The following ATP2B2 variants were observed in gnomAD, a reference collection of about 807,000 sequenced individuals.
The protein encoded by ATP2B2 is ATPase plasma membrane Ca2+ transporting 2, also known as plasma membrane calcium-transporting ATPase 2.
Under a neutral mutation model 120.0 loss-of-function variants are expected in ATP2B2, and 15 were observed. That is an observed-to-expected ratio of 0.12 (90% CI 0.08 to 0.19). ATP2B2 has a LOEUF of 0.19. Among genes scored for constraint, ATP2B2 ranks in the 10% least tolerant of loss-of-function variants. The pLI, the probability that ATP2B2 is intolerant of heterozygous loss-of-function variation, is 1.00. For missense variants in ATP2B2, 1,045 were observed against 1,719.8 expected (o/e 0.61, Z 6.94); for synonymous variants, 694 against 700.3 (o/e 0.99, Z 0.14).
At chr3:10,382,806 G>C (rs1158221745) in intron 8 of ATP2B2, among the ~76,000 whole-genome samples, 1 of 151,990 alleles carries the variant, frequency 6.6e-6, no homozygotes. Flanking sequence ...TTTTCAGTTG[G>C]GGGCTTGGGG....
chr3:10,685,592 G>T (rs1317612189), intron 1 of ATP2B2, among the ~76,000 whole-genome samples: 3 of 152,182 alleles, frequency 2.0e-5, no homozygotes, highest in Non-Finnish European at 4.4e-5. Context: ...AGAAGAAGAG[G>T]GGGCTTCTAT....
intron 5 of ATP2B2, among the ~76,000 whole-genome samples, chr3:10,397,176 C>T (rs1349740296): frequency 6.6e-6 from 1 of 152,212 alleles, no homozygotes; most frequent in East Asian, 1.9e-4. Context: ...GAGGACAGAG[C>T]CTAAGGTCTG....
chr3:10,428,791 C>A (rs143892248), intron 2 of ATP2B2, among the ~76,000 whole-genome samples: 3 of 152,288 alleles, frequency 2.0e-5, no homozygotes, highest in African/African-American at 7.2e-5. Context: ...GCTGAGCAAC[C>A]CAGGGCAGTG....
intron 2 of ATP2B2, among the ~76,000 whole-genome samples, chr3:10,536,468 T>TTCC (rs35500742): frequency 0.051 from 7,664 of 151,468 alleles, 358 homozygotes; most frequent in East Asian, 0.26. Context: ...TCCTTCCTCC[T>TTCC]TCCTCCTCCT....
chr3:10,345,922 T>C (rs1189497706), intron 17 of ATP2B2, 109 bp downstream of exon 17: 2 of 1,138,786 alleles, frequency 1.8e-6, no homozygotes, highest in Non-Finnish European at 2.5e-6. Context: ...CCACGGCAGA[T>C]GGCGGGTGGG....
chr3:10,396,887 G>A (rs2062055560), intron 5 of ATP2B2, among the ~76,000 whole-genome samples: 1 of 152,282 alleles, frequency 6.6e-6, no homozygotes, highest in East Asian at 1.9e-4. Context: ...TGGCTAAGGA[G>A]TAGAGTTGGG....
chr3:10,409,153 G>C (rs530840751), intron 3 of ATP2B2, among the ~76,000 whole-genome samples: 1 of 152,128 alleles, frequency 6.6e-6, no homozygotes, highest in East Asian at 1.9e-4. Context: ...TTTGTTCAAG[G>C]CTTATTCAAG....
rs528181627 is a variant in ATP2B2 at position 10,343,522 on chromosome 3, G to A, written c.2704-557C>T. On this transcript the variant is annotated intron_variant, in intron 18 of 22. Coordinates refer to ENST00000360273, the MANE Select transcript of ATP2B2 (RefSeq NM_001001331.4). The surrounding 1 kb of genome is among the most constrained non-coding windows in gnomAD (Gnocchi z 4.2). Reference sequence around the variant, plus strand: ...ATATGGCAAATGAGGAATAGCAAAAGCAACTAAAACTGTCAAGGACCTCAC... The same window carrying A: ...ATATGGCAAATGAGGAATAGCAAAAACAACTAAAACTGTCAAGGACCTCAC... 0.027 allele frequency among the ~76,000 whole-genome samples: 42 copies of A among 1,572 alleles called. No homozygotes were observed. Among genetic ancestry groups the A allele is most frequent in the East Asian group, 0.23 (27 of 120 alleles). The allele number at this position is 1,572 out of a possible 152,430, so 1.0% of individuals were successfully genotyped here.
chr3:10,510,131 A>G (rs530045542), upstream of ATP2B2, among the ~76,000 whole-genome samples: 99 of 152,192 alleles, frequency 6.5e-4, 2 homozygotes, highest in African/African-American at 2.2e-3. Flanking sequence ...TCTCTAGTCT[A>G]TTGAGATTTG....
At chr3:10,378,101 A>C in intron 10 of ATP2B2, 151 bp downstream of exon 10, 3 of 1,085,158 alleles carry the variant, frequency 2.8e-6, no homozygotes, top group Non-Finnish European at 3.9e-6. Flanking sequence ...CAGGACTCAG[A>C]CTGGGTGCTG....
At chr3:10,506,430 TC>T (rs201465614), upstream of ATP2B2, among the ~76,000 whole-genome samples, 2,281 of 152,230 alleles carry the variant, frequency 0.015, 35 homozygotes, top group Admixed American at 0.034. Context: ...GACTGACACT[TC>T]CACGGGAACC....
In ATP2B2 at chr3:10,617,704, C is replaced by A. The variant is rs1301476810; in HGVS notation, c.-415+2213G>T. On this transcript the variant is annotated intron_variant, in intron 2 of 21. Transcript: ENST00000646379. The stretch of plus-strand genomic sequence containing the variant: ...GGGTCTGAGAGTGCTGGTCTTCACA[C>A]AGGGACGAGCTGCTGAGCAGGGCAG... Among the ~76,000 whole-genome samples the A allele has an allele frequency of 2.6e-5, 4 of 152,372 alleles. No homozygotes were observed. In the South Asian group the frequency reaches 8.3e-4, roughly 32 times the overall value.
In ATP2B2 at chr3:10,326,098, C is replaced by CA. The variant is rs35126324; in HGVS notation, c.*2715dup. The CA allele has an allele frequency of 1, 152,723 of 152,724 alleles. 76,361 individuals carry two copies. Among genetic ancestry groups the CA allele is most frequent in the Non-Finnish European group, 1 (68,038 of 68,038 alleles). 9.5% of individuals were successfully genotyped at this position (152,724 alleles called of 1,614,324 possible). A position where few individuals can be genotyped will look rare whatever the true frequency, so the allele number is the denominator to read the frequency against. ...ACAGAGATGGTGAGTTCTTTATTTA[C>CA]ATTATTGTCTAGATAAAAAAATTCA... On this transcript the variant is annotated 3_prime_UTR_variant, in exon 23 of 23. Transcript: ENST00000360273.
At chr3:10,645,431 GA>G (rs2070297435) in intron 1 of ATP2B2, among the ~76,000 whole-genome samples, 1 of 152,114 alleles carries the variant, frequency 6.6e-6, no homozygotes, top group Non-Finnish European at 1.5e-5. Flanking sequence ...TTGTTCTTAG[GA>G]AGTGTATACT....
At chr3:10,527,195 C>T (rs1047236246) in intron 3 of ATP2B2, among the ~76,000 whole-genome samples, 1 of 152,178 alleles carries the variant, frequency 6.6e-6, no homozygotes, top group East Asian at 1.9e-4. Flanking sequence ...CCTCTGAGGG[C>T]GGCTCCCATG....
chr3:10,366,776 AGCCAGAGCT>A (rs2061072352), intron 12 of ATP2B2, among the ~76,000 whole-genome samples: 2 of 152,234 alleles, frequency 1.3e-5, no homozygotes, highest in Non-Finnish European at 2.9e-5. Flanking sequence ...GCAGCAGGAC[AGCCAGAGCT>A]GCTAGTGGAA....
chr3:10,629,012 T>C (rs1331080550), intron 1 of ATP2B2, among the ~76,000 whole-genome samples: 1 of 152,180 alleles, frequency 6.6e-6, no homozygotes, highest in Non-Finnish European at 1.5e-5. Context: ...AACGGCACCA[T>C]AACTCACGCC....
rs763370632 is a variant in ATP2B2 at position 10,329,017 on chromosome 3, C to T, written c.3529G>A (p.Asp1177Asn). 3.7e-6 allele frequency: 6 copies of T among 1,613,874 alleles called. No homozygotes were observed. The highest frequency in any genetic ancestry group is 1.3e-5 in the African/African-American group (1 of 74,858). Residue 1177 changes from aspartate (D) to asparagine (N), a missense_variant, in exon 23 of 23, where the codon GAT (aspartate) becomes AAT (asparagine). Physicochemically the swap from Asp to Asn is conservative, Grantham distance 23 (BLOSUM62 1). This residue lies in a region of ATP2B2 where 211 missense variants were observed against 385.1 expected (regional missense o/e 0.55). Transcript: ENST00000360273. The surrounding 1 kb of genome is among the most constrained non-coding windows in gnomAD (Gnocchi z 5.9). ...FMAHPEFRIE[D>N]SQPHIPLIDD... The stretch of plus-strand genomic sequence containing the variant: ...ATGAGGGGGATGTGGGGCTGGGAAT[C>T]TTCGATCCGGAATTCAGGATGAGCC...
At chr3:10,668,148 G>T (rs373257343) in intron 1 of ATP2B2, among the ~76,000 whole-genome samples, 1 of 152,214 alleles carries the variant, frequency 6.6e-6, no homozygotes, top group African/African-American at 2.4e-5. Context: ...GGAGGGCAAC[G>T]CGGGCAGCTC....
Sources: allele counts gnomAD v4.1 joint callset (sites outside exome capture counted in the v4.1 genomes callset), GRCh38; gene constraint gnomAD v4.1.1; regional missense constraint gnomAD v4.1.1; non-coding constraint Gnocchi (gnomAD v3.1); transcripts MANE v1.5; gene names NCBI Gene and HGNC (gene_info 2026-07-23, HGNC 2026-07-21).